IGFN1: variants seen among roughly 807,000 people sequenced by gnomAD.
The protein encoded by IGFN1 is immunoglobulin-like and fibronectin type III domain-containing protein 1.
IGFN1 carries 253 observed loss-of-function variants against 289.5 expected under a neutral mutation model. That is an observed-to-expected ratio of 0.87 (90% CI 0.79 to 0.97). The LOEUF (loss-of-function observed/expected upper bound fraction) is 0.97. Ranked by LOEUF, IGFN1 falls within the 50% of genes least tolerant of loss-of-function variation. The pLI, the probability that IGFN1 is intolerant of heterozygous loss-of-function variation, is 0.00. For synonymous variants in IGFN1, 1,706 were observed against 1,788.5 expected, an observed-to-expected ratio of 0.95 and a Z score of 1.16; for missense variants, 4,470 against 4,686.1, an observed-to-expected ratio of 0.95 and a Z score of 1.35.
chr1:201,218,472 C>G, intron 17 of IGFN1, 58 bp from the exon 18 acceptor site: 1 of 1,560,680 alleles, frequency 6.4e-7, no homozygotes, highest in Non-Finnish European at 8.7e-7. Flanking sequence ...GGCACCCAAG[C>G]TATCTCCCCA....
chr1:201,211,057 G>C lies in IGFN1; in HGVS notation c.6164G>C (p.Gly2055Ala). The C allele has an allele frequency of 2.0e-6, 3 of 1,502,572 alleles. No individual in the cohort carries two copies. Among genetic ancestry groups the C allele is most frequent in the Non-Finnish European group, 2.7e-6 (3 of 1,126,236 alleles). 93.1% of individuals were successfully genotyped at this position (1,502,572 alleles called of 1,614,324 possible). A position where few individuals can be genotyped will look rare whatever the true frequency, so the allele number is the denominator to read the frequency against. The change falls in exon 12 of 24, where the codon GGT (glycine) becomes GCT (alanine). Residue 2055 changes from glycine (G) to alanine (A), a missense_variant. Physicochemically the swap from Gly to Ala is moderately conservative, Grantham distance 60 (BLOSUM62 0). Transcript: ENST00000335211. ...GSGSKAGFRD[G>A]LGSSVEMGSV... The stretch of plus-strand genomic sequence containing the variant: ...GGAAGTAAGGCAGGTTTTAGGGATG[G>C]TTTAGGGAGTTCTGTAGAAATGGGG...
chr1:201,205,452 G>T, intron 11 of IGFN1, 98 bp downstream of exon 11: 1 of 1,304,918 alleles, frequency 7.7e-7, no homozygotes, highest in South Asian at 1.5e-5. Flanking sequence ...CCTTTGGTCA[G>T]AGAGAATAAG....
Position 201,211,586 on chromosome 1 carries a change from T to C in IGFN1, c.6693T>C (p.Gly2231=). 1.3e-6 allele frequency: 2 copies of C among 1,534,532 alleles called. No homozygotes were observed. Among genetic ancestry groups the C allele is most frequent in the South Asian group, 2.4e-5 (2 of 83,798 alleles). ...GAATGGGTTCAGGGAGTAAGGCAGG[T>C]TTCAGGGATGGTTTAGGGAGTTCTG... ...PKGMGSGSKA[G]FRDGLGSSGE... Residue 2231 remains glycine (G), a synonymous_variant, in exon 12 of 24, where the codon GGT becomes GGC. Coordinates refer to ENST00000335211, the MANE Select transcript of IGFN1 (RefSeq NM_001164586.2).
chr1:201,221,262 G>A (rs542638795), intron 18 of IGFN1, among the ~76,000 whole-genome samples, 182 bp from the exon 19 acceptor site: 12 of 152,304 alleles, frequency 7.9e-5, no homozygotes, highest in Admixed American at 3.3e-4. Flanking sequence ...TGTGCATAAC[G>A]GAGACAAAGT....
chr1:201,228,610 A>G lies in IGFN1; in HGVS notation c.*211A>G. The G allele has an allele frequency of 1.6e-6, 1 of 617,218 alleles. No homozygotes were observed. Among genetic ancestry groups the G allele is most frequent in the East Asian group, 2.8e-5 (1 of 36,266 alleles). The allele number at this position is 617,218 out of a possible 1,614,324, so 38.2% of individuals were successfully genotyped here. On this transcript the variant is annotated 3_prime_UTR_variant, in exon 24 of 24. Coordinates refer to ENST00000335211, the MANE Select transcript of IGFN1 (RefSeq NM_001164586.2). ...GAGGGCATTCCACCTCCTGGCTCCAAGCTAAGTCACTCAACAGAATGACAG... is the reference window on the plus strand; with the variant it reads ...GAGGGCATTCCACCTCCTGGCTCCAGGCTAAGTCACTCAACAGAATGACAG...
rs971079447 is a variant in IGFN1 at position 201,200,412 on chromosome 1, G to T, written c.633+1G>T. Reference sequence around the variant, plus strand: ...GGAACAGGAGGACAAGATGGCACAGGTGCCTCACCCCATTCCCACCCCTCA... The same window carrying T: ...GGAACAGGAGGACAAGATGGCACAGTTGCCTCACCCCATTCCCACCCCTCA... On this transcript the variant is annotated splice_donor_variant, in intron 8 of 23. Transcript: ENST00000335211. LOFTEE classifies it high-confidence loss of function. 2.6e-6 allele frequency: 4 copies of T among 1,550,932 alleles called. No homozygotes were observed. Among genetic ancestry groups the T allele is most frequent in the African/African-American group, 1.4e-5 (1 of 73,034 alleles).
chr1:201,223,844 A>G (rs1030746715), intron 20 of IGFN1, among the ~76,000 whole-genome samples: 1 of 152,232 alleles, frequency 6.6e-6, no homozygotes, highest in East Asian at 1.9e-4. Context: ...ATTATTGTTT[A>G]AAATCATCAT....
chr1:201,208,268 G>C lies in IGFN1; in HGVS notation c.3375G>C (p.Gly1125=), dbSNP rs1351653523. Reference sequence around the variant, plus strand: ...CTTGGGGTCAGACTGGAAATTATGGGGGCTTCAGAGCCTCAGAGGCCCTGG... The same window carrying C: ...CTTGGGGTCAGACTGGAAATTATGGCGGCTTCAGAGCCTCAGAGGCCCTGG... ...IRPWGQTGNY[G]GFRASEALGA... The change falls in exon 12 of 24, where the codon GGG becomes GGC. Residue 1125 remains glycine, a synonymous_variant. Coordinates refer to ENST00000335211, the MANE Select transcript of IGFN1 (RefSeq NM_001164586.2). The C allele has an allele frequency of 6.5e-7, 1 of 1,535,916 alleles. No individual in the cohort carries two copies.
chr1:201,211,514 G>T lies in IGFN1; in HGVS notation c.6621G>T (p.Gly2207=). The change falls in exon 12 of 24, where the codon GGG becomes GGT. Residue 2207 remains glycine, a synonymous_variant. Coordinates refer to ENST00000335211, the MANE Select transcript of IGFN1 (RefSeq NM_001164586.2). ...RDGLGGSEEM[G]SVNKAGYRKD... ...GTTTAGGGGGTTCTGAAGAAATGGG[G>T]TCAGTGAATAAGGCAGGTTATAGGA... The T allele has an allele frequency of 6.7e-7, 1 of 1,502,476 alleles. No homozygotes were observed. The highest frequency in any genetic ancestry group is 1.2e-5 in the South Asian group (1 of 80,140). 93.1% of individuals were successfully genotyped at this position (1,502,476 alleles called of 1,614,324 possible).
At position 201,221,444 on chromosome 1, in the gene IGFN1, G is replaced by C; in HGVS notation, c.9899G>C (p.Arg3300Thr). The C allele has an allele frequency of 6.4e-7, 1 of 1,566,308 alleles. No homozygotes were observed. Among genetic ancestry groups the C allele is most frequent in the Non-Finnish European group, 8.7e-7 (1 of 1,153,214 alleles). ...SDAVFARDPM[R>T]PPGLVRNLQV... is the part of the protein sequence containing the mutation. ...CTGACTCTCCCATGGTGCCTGGCAG[G>C]ACCCCCTGGGCTGGTGAGGAATCTC... Residue 3300 changes from arginine (R) to threonine (T), a missense_variant and splice_region_variant, in exon 19 of 24, where the codon AGA (arginine) becomes ACA (threonine). Physicochemically the swap from Arg to Thr is moderately conservative, Grantham distance 71. Coordinates refer to ENST00000335211, the MANE Select transcript of IGFN1 (RefSeq NM_001164586.2).
chr1:201,196,379 C>T (rs985413206), intron 4 of IGFN1, among the ~76,000 whole-genome samples: 4 of 152,218 alleles, frequency 2.6e-5, no homozygotes, highest in African/African-American at 9.6e-5. Flanking sequence ...GGATCTCACT[C>T]TGTCGCCCAG....
rs1290908405 is a variant in IGFN1 at position 201,207,111 on chromosome 1, C to T, written c.2218C>T (p.Leu740=). The change falls in exon 12 of 24, where the codon CTG becomes TTG. Residue 740 remains leucine, a synonymous_variant. Transcript: ENST00000335211. Reference sequence around the variant, plus strand: ...AATATCAGGTGGTAGAAAATTCCTTCTGGGAGATGGGAGTCCTGAGATCAA... The same window carrying T: ...AATATCAGGTGGTAGAAAATTCCTTTTGGGAGATGGGAGTCCTGAGATCAA... The part of the protein sequence containing the change: ...PSISGGRKFL[L]GDGSPEIKAE... 2.0e-6 allele frequency: 3 copies of T among 1,536,888 alleles called. No individual in the cohort carries two copies. In the South Asian group the frequency reaches 3.6e-5, roughly 18 times the overall value.
At chr1:201,223,155 G>A (rs1170345208) in intron 20 of IGFN1, 2 of 209,748 alleles carry the variant, frequency 9.5e-6, no homozygotes, top group African/African-American at 4.6e-5. Context: ...TCAGGGAGCC[G>A]GTCGTGCAGA....
rs768721363 is a variant in IGFN1, at chr1:201,221,780, C to T, written c.10201+34C>T. On this transcript the variant is annotated intron_variant, in intron 19 of 23. Transcript: ENST00000335211. ...TGCCTCCTTCCCCGACCCCTGAGCCCTGCAGGCCTCTCCTAAGAGGGGGCC... is the reference window on the plus strand; with the variant it reads ...TGCCTCCTTCCCCGACCCCTGAGCCTTGCAGGCCTCTCCTAAGAGGGGGCC... 3 of 1,529,050 alleles carry T rather than the reference C, an allele frequency of 2.0e-6. No homozygotes were observed. In the South Asian group the frequency reaches 3.9e-5, roughly 20 times the overall value. 94.7% of individuals were successfully genotyped at this position (1,529,050 alleles called of 1,614,324 possible).
chr1:201,218,701 G>T, intron 18 of IGFN1, 43 bp downstream of exon 18: 2 of 1,568,316 alleles, frequency 1.3e-6, no homozygotes, highest in Non-Finnish European at 8.6e-7. Context: ...AGGTGAGCAT[G>T]GGATAGCCCT....
chr1:201,217,465 G>A lies in IGFN1; in HGVS notation c.9769+5G>A. ...TGAACGACCAGCCGGTGCCTGGTGA[G>A]CATTGTCCTGGCTTCCAGAGCTTCC... On this transcript the variant is annotated splice_donor_5th_base_variant and intron_variant, in intron 17 of 23. Coordinates refer to ENST00000335211, the MANE Select transcript of IGFN1 (RefSeq NM_001164586.2). 1 of 1,613,854 alleles carries A rather than the reference G, an allele frequency of 6.2e-7. No homozygotes were observed. The highest frequency in any genetic ancestry group is 8.5e-7 in the Non-Finnish European group (1 of 1,179,772).
intron 10 of IGFN1, 76 bp downstream of exon 10, chr1:201,203,982 T>C (rs921212722): frequency 1.5e-6 from 2 of 1,303,408 alleles, no homozygotes; most frequent in Non-Finnish European, 2.1e-6. Flanking sequence ...GCAACGTGTG[T>C]GTTGGGGGGT....
Position 201,194,189 on chromosome 1 carries a change from A to C in IGFN1, c.43A>C (p.Ile15Leu). The C allele has an allele frequency of 6.4e-7, 1 of 1,551,628 alleles. No individual in the cohort carries two copies. Among genetic ancestry groups the C allele is most frequent in the Non-Finnish European group, 8.7e-7 (1 of 1,146,972 alleles). The stretch of plus-strand genomic sequence containing the variant: ...GAAGTCCCACATCCCTGGAGTGAGC[A>C]TCTGGCAGCTGGTGGAGGAGATCCC... ...LRKSHIPGVS[I>L]WQLVEEIPEG... Residue 15 changes from isoleucine to leucine, a missense_variant, in exon 3 of 24, where the codon ATC becomes CTC. Ile to Leu is a conservative substitution (Grantham distance 5). Coordinates refer to ENST00000335211, the MANE Select transcript of IGFN1 (RefSeq NM_001164586.2).
At position 201,199,688 on chromosome 1, in the gene IGFN1, G is replaced by A. The variant is rs781267148; in HGVS notation, c.458+34G>A. 5 of 1,540,772 alleles carry A rather than the reference G, an allele frequency of 3.2e-6. No individual in the cohort carries two copies. In the South Asian group the frequency reaches 6.0e-5, roughly 19 times the overall value. On this transcript the variant is annotated intron_variant, in intron 7 of 23. Coordinates refer to ENST00000335211, the MANE Select transcript of IGFN1 (RefSeq NM_001164586.2). ...GGGCCTGTCCATGAGGGATTTTGGAGGCTCCCATAGTATTCACCCCCTGCT... is the reference window on the plus strand; with the variant it reads ...GGGCCTGTCCATGAGGGATTTTGGAAGCTCCCATAGTATTCACCCCCTGCT...
Sources: allele counts gnomAD v4.1 joint callset (sites outside exome capture counted in the v4.1 genomes callset), GRCh38; gene constraint gnomAD v4.1.1; transcripts MANE v1.5; gene names NCBI Gene and HGNC (gene_info 2026-07-23, HGNC 2026-07-21).